CBFA2T3: variants seen among roughly 807,000 people sequenced by gnomAD.
CBFA2T3 encodes the protein CBFA2/RUNX1 partner transcriptional co-repressor 3, also known as transcriptional corepressor CBFA2T3.
Under a neutral mutation model 58.6 loss-of-function variants are expected in CBFA2T3, and 31 were observed. The ratio of observed to expected loss-of-function variants is 0.53; its 90% confidence interval spans 0.40 to 0.71. The LOEUF (loss-of-function observed/expected upper bound fraction) is 0.71. Among genes scored for constraint, CBFA2T3 ranks in the 30% least tolerant of loss-of-function variants. The pLI is 0.00. For missense variants in CBFA2T3, 1,076 were observed against 963.1 expected (o/e 1.12, Z -1.55); for synonymous variants, 531 against 421.9 (o/e 1.26, Z -3.17).
At chr16:88,906,831 C>T (rs866431395) in intron 1 of CBFA2T3, among the ~76,000 whole-genome samples, 8 of 152,326 alleles carry the variant, frequency 5.3e-5, no homozygotes, top group African/African-American at 1.7e-4. Context: ...GGAGATTAAA[C>T]GGTCCCGATG....
chr16:88,928,414 A>G (rs1374602545), intron 1 of CBFA2T3, among the ~76,000 whole-genome samples: 1 of 152,226 alleles, frequency 6.6e-6, no homozygotes, highest in Non-Finnish European at 1.5e-5. Flanking sequence ...CCACACGTCC[A>G]GCTGCCCCCA....
chr16:88,975,122 C>T (rs868754319), intron 1 of CBFA2T3, among the ~76,000 whole-genome samples: 2,649 of 114,916 alleles, frequency 0.023, 76 homozygotes, highest in African/African-American at 0.069. Flanking sequence ...GCCACCCTGG[C>T]CCTCTGCTCC....
chr16:88,881,562 G>C, intron 8 of CBFA2T3, 73 bp from the exon 9 acceptor site: 2 of 1,483,434 alleles, frequency 1.3e-6, no homozygotes, highest in Non-Finnish European at 1.8e-6. Context: ...CAGCCCACTC[G>C]GCCAGAGCCC....
chr16:88,923,788 T>C (rs1970999605), intron 1 of CBFA2T3, among the ~76,000 whole-genome samples: 1 of 152,032 alleles, frequency 6.6e-6, no homozygotes, highest in South Asian at 2.1e-4. Flanking sequence ...ACCGGCACCG[T>C]CTAGGTTGGG....
In CBFA2T3 at chr16:88,877,033, C is replaced by T. The variant is rs943408995; in HGVS notation, c.1905G>A (p.Gly635=). ...GGCTGGGGGAGCCGGGGCGAGAAGG[C>T]CCCGCAGAGCCGGCTTCGCTGGGGC... is the stretch of plus-strand genomic sequence containing the variant. ...AASPSEAGSA[G]PSRPGSPSPP... The change falls in exon 12 of 12, where the codon GGG becomes GGA. Residue 635 remains glycine, a synonymous_variant. Transcript: ENST00000268679. 35 of 1,503,268 alleles carry T rather than the reference C, an allele frequency of 2.3e-5. No homozygotes were observed. Among genetic ancestry groups the T allele is most frequent in the Non-Finnish European group, 3.1e-5 (35 of 1,128,094 alleles). The allele number at this position is 1,503,268 out of a possible 1,614,324, so 93.1% of individuals were successfully genotyped here. A position where few individuals can be genotyped will look rare whatever the true frequency, so the allele number is the denominator to read the frequency against.
rs144418331 is a variant in CBFA2T3 at position 88,877,037 on chromosome 16, G to A, written c.1901C>T (p.Ala634Val). Residue 634 changes from alanine to valine, a missense_variant, in exon 12 of 12, where the codon GCG becomes GTG. Ala to Val is a moderately conservative substitution (Grantham distance 64). Transcript: ENST00000268679. ...GGGGGAGCCGGGGCGAGAAGGCCCC[G>A]CAGAGCCGGCTTCGCTGGGGCTGGC... The part of the protein sequence containing the change: ...GAASPSEAGS[A>V]GPSRPGSPSP... 29 of 1,508,060 alleles carry A rather than the reference G, an allele frequency of 1.9e-5. No individual in the cohort carries two copies. In the Admixed American group the frequency reaches 2.6e-4, roughly 14 times the overall value. The allele number at this position is 1,508,060 out of a possible 1,614,324, so 93.4% of individuals were successfully genotyped here. A position where few individuals can be genotyped will look rare whatever the true frequency, so the allele number is the denominator to read the frequency against.
intron 1 of CBFA2T3, among the ~76,000 whole-genome samples, chr16:88,973,163 C>T (rs908876861): frequency 2.6e-5 from 4 of 152,246 alleles, no homozygotes; most frequent in African/African-American, 9.6e-5. Flanking sequence ...CTCCCATAAC[C>T]GGGGCTGCCT....
At chr16:88,943,183 C>T (rs1215025254) in intron 1 of CBFA2T3, among the ~76,000 whole-genome samples, 1 of 152,228 alleles carries the variant, frequency 6.6e-6, no homozygotes, top group Non-Finnish European at 1.5e-5. Context: ...AATTCAGCAG[C>T]GAACCACCCT....
At chr16:88,976,485 G>A (rs1392127236) in intron 1 of CBFA2T3, among the ~76,000 whole-genome samples, 172 bp downstream of exon 1, 1 of 152,202 alleles carries the variant, frequency 6.6e-6, no homozygotes, top group Non-Finnish European at 1.5e-5. Context: ...CAGCTGTGCA[G>A]GACCTGCCTG....
At chr16:88,893,541 G>C (rs1213756794) in intron 3 of CBFA2T3, among the ~76,000 whole-genome samples, 1 of 152,206 alleles carries the variant, frequency 6.6e-6, no homozygotes, top group Non-Finnish European at 1.5e-5. Flanking sequence ...GGACACCCAA[G>C]GACACACTGG....
chr16:88,961,257 G>A (rs192843137), intron 1 of CBFA2T3, among the ~76,000 whole-genome samples: 59 of 152,258 alleles, frequency 3.9e-4, no homozygotes, highest in South Asian at 2.3e-3. Context: ...GGGGAGTGAC[G>A]GAACCTTCTG....
intron 1 of CBFA2T3, among the ~76,000 whole-genome samples, chr16:88,909,222 G>T (rs959214790): frequency 6.6e-6 from 1 of 152,234 alleles, no homozygotes; most frequent in Non-Finnish European, 1.5e-5. Context: ...TGCAGGCAGG[G>T]CTCGGAGATG....
At chr16:88,925,204 C>T (rs1426603560) in intron 1 of CBFA2T3, among the ~76,000 whole-genome samples, 1 of 152,232 alleles carries the variant, frequency 6.6e-6, no homozygotes, top group Non-Finnish European at 1.5e-5. Context: ...TTGGTCCTCT[C>T]CCAGCCCCCG....
In CBFA2T3 at chr16:88,879,325, C is replaced by A; in HGVS notation, c.1607G>T (p.Arg536Leu). The change falls in exon 11 of 12, where the codon CGG becomes CTG. Residue 536 changes from arginine (R) to leucine (L), a missense_variant. Transcript: ENST00000268679. ...CGTCAGGGCGTCCTCGGAGGCCTGC[C>A]GCTTCGCCTCGGCCAGGGCCCGCTC... ...KMERALAEAK[R>L]QASEDALTVI... 1 of 1,610,686 alleles carries A rather than the reference C, an allele frequency of 6.2e-7. No individual in the cohort carries two copies.
rs1171715203 is a variant in CBFA2T3 at position 88,953,449 on chromosome 16, G to C, written c.151+23208C>G. Among the ~76,000 whole-genome samples, 1 of 152,178 alleles carries C rather than the reference G, an allele frequency of 6.6e-6. No individual in the cohort carries two copies. The highest frequency in any genetic ancestry group is 2.4e-5 in the African/African-American group (1 of 41,454). On this transcript the variant is annotated intron_variant, in intron 1 of 11. Coordinates refer to ENST00000268679, the MANE Select transcript of CBFA2T3 (RefSeq NM_005187.6). The surrounding 1 kb of genome is among the most constrained non-coding windows in gnomAD (Gnocchi z 4.9). Reference sequence around the variant, plus strand: ...AGAGGCCAGCATAGCCCTCAAAACGGTTCCCACAGCTCCCAGCGGAGCCCT... The same window carrying C: ...AGAGGCCAGCATAGCCCTCAAAACGCTTCCCACAGCTCCCAGCGGAGCCCT...
At chr16:88,906,524 C>T (rs1033420816) in intron 1 of CBFA2T3, among the ~76,000 whole-genome samples, 3 of 152,240 alleles carry the variant, frequency 2.0e-5, no homozygotes, top group Non-Finnish European at 4.4e-5. Context: ...CAGAGCTTCA[C>T]AGTAGACACC....
intron 1 of CBFA2T3, among the ~76,000 whole-genome samples, chr16:88,973,208 C>G (rs1462258526): frequency 6.6e-6 from 1 of 152,260 alleles, no homozygotes; most frequent in Non-Finnish European, 1.5e-5. Flanking sequence ...GTCCCACCGC[C>G]TGGAGTGCAG....
At chr16:88,881,269 T>TC in intron 9 of CBFA2T3, 22 bp downstream of exon 9, 5 of 1,584,200 alleles carry the variant, frequency 3.2e-6, no homozygotes, top group South Asian at 1.1e-5. Flanking sequence ...GTCTGCTCCC[T>TC]CCCCCCACAC....
At chr16:88,878,573 G>A (rs967542002) in intron 11 of CBFA2T3, among the ~76,000 whole-genome samples, 10 of 152,350 alleles carry the variant, frequency 6.6e-5, no homozygotes, top group African/African-American at 1.7e-4. Flanking sequence ...CGTGTGCACC[G>A]GGAGGGAGCC....
Sources: gnomAD v4.1 joint callset for allele counts (sites outside exome capture counted in the v4.1 genomes callset) on GRCh38, gnomAD v4.1.1 for gene constraint, Gnocchi (gnomAD v3.1) non-coding constraint, MANE v1.5 for transcripts, NCBI Gene and HGNC (gene_info 2026-07-23, HGNC 2026-07-21) for gene names.